RIF1: variants seen among roughly 807,000 people sequenced by gnomAD.
The protein encoded by RIF1 is replication timing regulatory factor 1.
In RIF1, 45 loss-of-function variants were observed where a neutral mutation model predicts 247.1. The observed-to-expected ratio is 0.18, with a 90% CI of 0.14 to 0.23. RIF1 has a LOEUF of 0.23. RIF1 is among the 10% of genes least tolerant of loss of function. The probability of loss-of-function intolerance (pLI) is 1.00; values close to 1 mark genes in which losing one functional copy is unlikely to be tolerated. For synonymous variants in RIF1, 1,087 were observed against 978.8 expected (o/e 1.11, Z -2.06); for missense variants, 2,967 against 2,862.5 (o/e 1.04, Z -0.83).
chr2:151,465,329 A>G lies in RIF1; in HGVS notation c.5809A>G (p.Ile1937Val), dbSNP rs188327601. ...FHGQERTKTG[I>V]SEEAAIEENK... The stretch of plus-strand genomic sequence containing the variant: ...TGGACAAGAGAGAACCAAAACTGGT[A>G]TTTCTGAAGAAGCAGCAATAGAAGA... The change falls in exon 30 of 36, where the codon ATT (isoleucine) becomes GTT (valine). Residue 1937 changes from isoleucine to valine, a missense_variant. Physicochemically the swap from Ile to Val is conservative, Grantham distance 29. Around this residue, in one of 7 missense-constraint regions of RIF1, gnomAD observed 2,028 missense variants for 1,825.6 expected, o/e 1.11. Transcript: ENST00000444746. 60 of 1,613,964 alleles carry G rather than the reference A, an allele frequency of 3.7e-5. No homozygotes were observed. The highest frequency in any genetic ancestry group is 5.0e-5 in the Non-Finnish European group (59 of 1,179,984).
At position 151,463,258 on chromosome 2, in the gene RIF1, T is replaced by C; in HGVS notation, c.3738T>C (p.Thr1246=). 1.9e-6 allele frequency: 3 copies of C among 1,613,378 alleles called. No homozygotes were observed. The highest frequency in any genetic ancestry group is 2.5e-6 in the Non-Finnish European group (3 of 1,179,822). Reference sequence around the variant, plus strand: ...CCCCCTTGAATAATATTTCATCAACTGTTACAGTGAAAAATAACCAGGAAA... The same window carrying C: ...CCCCCTTGAATAATATTTCATCAACCGTTACAGTGAAAAATAACCAGGAAA... The part of the protein sequence containing the change: ...SPSPLNNISS[T]VTVKNNQETM... Residue 1246 remains threonine, a synonymous_variant, in exon 30 of 36, where the codon ACT becomes ACC. Transcript: ENST00000444746.
rs148007837 is a variant in RIF1 at position 151,458,980 on chromosome 2, G to A, written c.2955+70G>A. 4.0e-3 allele frequency: 3,476 copies of A among 877,168 alleles called. 135 individuals are homozygous for A. In the Admixed American group the frequency reaches 0.056, roughly 14 times the overall value. 54.3% of individuals were successfully genotyped at this position (877,168 alleles called of 1,614,324 possible). A position where few individuals can be genotyped will look rare whatever the true frequency, so the allele number is the denominator to read the frequency against. ...GTTATTTGTTGAAAGTTATAAATAA[G>A]TAGAACCTGAACAGAAAAGAGTTTT... On this transcript the variant is annotated intron_variant, in intron 25 of 35. Coordinates refer to ENST00000444746, the MANE Select transcript of RIF1 (RefSeq NM_018151.5).
At position 151,463,314 on chromosome 2, in the gene RIF1, C is replaced by G; in HGVS notation, c.3794C>G (p.Ala1265Gly). Residue 1265 changes from alanine (A) to glycine (G), a missense_variant, in exon 30 of 36, where the codon GCA (alanine) becomes GGA (glycine). Physicochemically the swap from Ala to Gly is moderately conservative, Grantham distance 60. This residue lies in a region of RIF1 where 2,028 missense variants were observed against 1,825.6 expected (regional missense o/e 1.11). Coordinates refer to ENST00000444746, the MANE Select transcript of RIF1 (RefSeq NM_018151.5). ...ATTAAAACAGATTTTCTACCAAAAG[C>G]AAAGCAAAGAGAAGGGACTTTTTCA... The part of the protein sequence containing the change: ...TMIKTDFLPK[A>G]KQREGTFSKS... 1.2e-6 allele frequency: 2 copies of G among 1,612,928 alleles called. No homozygotes were observed. The highest frequency in any genetic ancestry group is 1.7e-6 in the Non-Finnish European group (2 of 1,179,728).
rs1686910154 is a variant in RIF1 at position 151,414,803 on chromosome 2, ATG to A, written c.184-17_184-16del. On this transcript the variant is annotated intron_variant, in intron 3 of 35. Transcript: ENST00000444746. ...TTACAGTTGTGCTTGTTTGTAATAA[ATG>A]TGATTTTGTTTTTGTAGACTCACAT... is the stretch of plus-strand genomic sequence containing the variant. 2.6e-6 allele frequency: 4 copies of A among 1,558,312 alleles called. No individual in the cohort carries two copies. The highest frequency in any genetic ancestry group is 3.5e-6 in the Non-Finnish European group (4 of 1,137,444).
chr2:151,468,678 C>T lies in RIF1; in HGVS notation c.6863C>T (p.Thr2288Ile), dbSNP rs1309468331. ...EMAKESIPCP[T>I]ESVYPPLVNC... ...GCCAAAGAATCCATACCATGCCCAA[C>T]AGAAAGTGTTTACCCACCATTGGTG... Residue 2288 changes from threonine to isoleucine, a missense_variant, in exon 33 of 36, where the codon ACA becomes ATA. Physicochemically the swap from Thr to Ile is moderately conservative, Grantham distance 89 (BLOSUM62 -1). Around this residue, in one of 7 missense-constraint regions of RIF1, gnomAD observed 2,028 missense variants for 1,825.6 expected, o/e 1.11. Coordinates refer to ENST00000444746, the MANE Select transcript of RIF1 (RefSeq NM_018151.5). The T allele has an allele frequency of 6.2e-7, 1 of 1,614,026 alleles. No individual in the cohort carries two copies. The highest frequency in any genetic ancestry group is 1.7e-5 in the Admixed American group (1 of 60,024).
the RIF1 span, chr2:151,533,671 G>A: frequency 1.6e-6 from 1 of 631,494 alleles, no homozygotes; most frequent in Non-Finnish European, 2.8e-6. Flanking sequence ...ACTCACATAT[G>A]TGCGGGTGAA....
Position 151,469,806 on chromosome 2 carries a change from T to C in RIF1, c.7037T>C (p.Ile2346Thr), listed in dbSNP as rs1697518226. ...LTASEIKTLP[I>T]RSPKVSNVKK... Reference sequence around the variant, plus strand: ...GCATCTGAAATAAAAACTCTTCCTATCCGTTCTCCAAAAGTGTCCAATGTA... The same window carrying C: ...GCATCTGAAATAAAAACTCTTCCTACCCGTTCTCCAAAAGTGTCCAATGTA... The change falls in exon 34 of 36, where the codon ATC becomes ACC. Residue 2346 changes from isoleucine to threonine, a missense_variant. Ile to Thr is a moderately conservative substitution (Grantham distance 89, BLOSUM62 -1). Around this residue, in one of 7 missense-constraint regions of RIF1, gnomAD observed 151 missense variants for 163.4 expected, o/e 0.92. Transcript: ENST00000444746. 6.2e-7 allele frequency: 1 copy of C among 1,611,964 alleles called. No individual in the cohort carries two copies. The highest frequency in any genetic ancestry group is 1.3e-5 in the African/African-American group (1 of 74,844).
At chr2:151,473,170 A>AT (rs1380340984) in intron 34 of RIF1, among the ~76,000 whole-genome samples, 1 of 152,088 alleles carries the variant, frequency 6.6e-6, no homozygotes, top group African/African-American at 2.4e-5. Context: ...ATATACCTAG[A>AT]AGTGGAATTG....
intron 14 of RIF1, 65 bp downstream of exon 14, chr2:151,438,811 A>C: frequency 1.1e-6 from 1 of 942,434 alleles, no homozygotes; most frequent in South Asian, 1.3e-5. Flanking sequence ...TGATTTTTAT[A>C]GCATCCGGTG....
In RIF1 at chr2:151,465,691, C is replaced by T; in HGVS notation, c.6171C>T (p.Asn2057=). ...KTSKPDEAET[N]MLTAEMDNFV... ...CAAAGCCTGATGAAGCTGAAACAAA[C>T]ATGTTGACTGCAGAAATGGACAACT... The change falls in exon 30 of 36, where the codon AAC becomes AAT. Residue 2057 remains asparagine, a synonymous_variant. Transcript: ENST00000444746. The T allele has an allele frequency of 1.2e-6, 2 of 1,614,154 alleles. No homozygotes were observed. The highest frequency in any genetic ancestry group is 1.7e-6 in the Non-Finnish European group (2 of 1,180,040).
intron 5 of RIF1, 54 bp downstream of exon 5, chr2:151,416,742 A>T (rs1376872958): frequency 6.2e-7 from 1 of 1,601,322 alleles, no homozygotes; most frequent in Non-Finnish European, 8.5e-7. Flanking sequence ...TAAAAGAAAA[A>T]ACTATAATGC....
In RIF1 at chr2:151,469,057, G is replaced by A. The variant is rs532153609; in HGVS notation, c.6941+301G>A. Among the ~76,000 whole-genome samples the A allele has an allele frequency of 7.4e-4, 113 of 152,244 alleles. 1 individual carries two copies. Among genetic ancestry groups the A allele is most frequent in the African/African-American group, 2.7e-3 (111 of 41,552 alleles). On this transcript the variant is annotated intron_variant, in intron 33 of 35. Transcript: ENST00000444746. Reference sequence around the variant, plus strand: ...GAATATCATTTCTACTTTATAGGATGAAGTTTACAAAGATTACCAGCAAAA... The same window carrying A: ...GAATATCATTTCTACTTTATAGGATAAAGTTTACAAAGATTACCAGCAAAA...
At chr2:151,419,241 T>C (rs1687751268) in intron 6 of RIF1, among the ~76,000 whole-genome samples, 1 of 151,868 alleles carries the variant, frequency 6.6e-6, no homozygotes, top group Non-Finnish European at 1.5e-5. Context: ...ATGATAAAAA[T>C]TATAGTGTAG....
chr2:151,427,264 G>A (rs1054956190), intron 8 of RIF1, among the ~76,000 whole-genome samples: 1 of 151,280 alleles, frequency 6.6e-6, no homozygotes, highest in South Asian at 2.1e-4. Flanking sequence ...CCAGGCTGGA[G>A]TGCAAACATG....
chr2:151,491,325 C>G (rs572100388), intron 9 of RIF1: 19 of 192,304 alleles, frequency 9.9e-5, no homozygotes, highest in African/African-American at 4.0e-4. Flanking sequence ...TTCCTTGATG[C>G]AATAGAGCTC....
the RIF1 span, among the ~76,000 whole-genome samples, chr2:151,517,589 A>G: frequency 6.6e-6 from 1 of 151,524 alleles, no homozygotes; most frequent in African/African-American, 2.4e-5. Context: ...TGTGAACATC[A>G]CAGAGTACAC....
At chr2:151,420,511 G>C (rs949639469) in intron 7 of RIF1, 132 bp downstream of exon 7, 2 of 797,786 alleles carry the variant, frequency 2.5e-6, no homozygotes, top group African/African-American at 3.5e-5. Flanking sequence ...TGAGGTGGGA[G>C]GATTGCTTGA....
intron 7 of RIF1, among the ~76,000 whole-genome samples, chr2:151,421,281 A>G (rs1688124559): frequency 6.6e-6 from 1 of 152,226 alleles, no homozygotes; most frequent in African/African-American, 2.4e-5. Flanking sequence ...GCTGTGAGAA[A>G]GGAATGTAAG....
intron 6 of RIF1, among the ~76,000 whole-genome samples, chr2:151,419,579 C>T (rs989969150): frequency 1.1e-4 from 17 of 152,262 alleles, no homozygotes; most frequent in African/African-American, 4.1e-4. Flanking sequence ...CCGCCTCGGC[C>T]TCCCAAAGTG....
Sources: gnomAD v4.1 joint callset for allele counts (sites outside exome capture counted in the v4.1 genomes callset) on GRCh38, gnomAD v4.1.1 for gene constraint, gnomAD v4.1.1 regional missense constraint, MANE v1.5 for transcripts, NCBI Gene and HGNC (gene_info 2026-07-23, HGNC 2026-07-21) for gene names.